The following NCKAP5 variants were observed in gnomAD, a reference collection of about 807,000 sequenced individuals.
NCKAP5 encodes the protein nck-associated protein 5.
A neutral mutation model predicts 167.0 loss-of-function variants in NCKAP5; 92 were observed. That is an observed-to-expected ratio of 0.55 (90% CI 0.47 to 0.66). The LOEUF (loss-of-function observed/expected upper bound fraction) is 0.66, where lower values mean the gene tolerates loss of function less well. NCKAP5 is among the 30% of genes least tolerant of loss of function. The pLI, the probability that NCKAP5 is intolerant of heterozygous loss-of-function variation, is 0.00. For missense variants in NCKAP5, 2,378 were observed against 2,315.0 expected, an observed-to-expected ratio of 1.03 and a Z score of -0.56; for synonymous variants, 891 against 877.4, an observed-to-expected ratio of 1.02 and a Z score of -0.27.
intron 5 of NCKAP5, among the ~76,000 whole-genome samples, chr2:133,143,948 C>T (rs2083093556): frequency 6.6e-6 from 1 of 152,024 alleles, no homozygotes. Context: ...AGTTTCTTTC[C>T]TGGTCTAGTA....
At chr2:133,352,098 CCT>C (rs1684402820) in intron 3 of NCKAP5, among the ~76,000 whole-genome samples, 1 of 152,202 alleles carries the variant, frequency 6.6e-6, no homozygotes, top group Non-Finnish European at 1.5e-5. Flanking sequence ...TAGCTCGTCA[CCT>C]CTCTCCTTCA....
At chr2:133,251,434 C>G (rs941256795) in intron 4 of NCKAP5, among the ~76,000 whole-genome samples, 1 of 152,120 alleles carries the variant, frequency 6.6e-6, no homozygotes, top group African/African-American at 2.4e-5. Flanking sequence ...ATAGGCCAAG[C>G]CTTGCATGAA....
intron 6 of NCKAP5, among the ~76,000 whole-genome samples, chr2:133,072,482 C>T (rs143036934): frequency 6.6e-6 from 1 of 152,248 alleles, no homozygotes; most frequent in African/African-American, 2.4e-5. Context: ...TGAGTGCAGA[C>T]AATTTAAGAG....
intron 5 of NCKAP5, among the ~76,000 whole-genome samples, chr2:133,157,770 G>T (rs930806712): frequency 2.6e-5 from 4 of 152,162 alleles, no homozygotes; most frequent in Non-Finnish European, 5.9e-5. Flanking sequence ...GTTAATTATG[G>T]AGTGGTGGTA....
At chr2:132,746,434 C>A (rs905110616) in intron 16 of NCKAP5, among the ~76,000 whole-genome samples, 1 of 151,874 alleles carries the variant, frequency 6.6e-6, no homozygotes, top group Non-Finnish European at 1.5e-5. Flanking sequence ...CACAAAACAT[C>A]CAGAAGAAAA....
intron 6 of NCKAP5, among the ~76,000 whole-genome samples, chr2:133,061,651 C>T (rs991153470): frequency 1.3e-5 from 2 of 152,206 alleles, no homozygotes; most frequent in Admixed American, 1.3e-4. Flanking sequence ...ACCAGATGAA[C>T]ACATTGTCTG....
chr2:132,873,179 C>A (rs1430133396), intron 9 of NCKAP5, among the ~76,000 whole-genome samples: 1 of 151,926 alleles, frequency 6.6e-6, no homozygotes, highest in African/African-American at 2.4e-5. Flanking sequence ...TCTCGGCTCA[C>A]TGCAAGCTCT....
At chr2:133,194,033 G>A (rs2085336757) in intron 5 of NCKAP5, among the ~76,000 whole-genome samples, 1 of 152,020 alleles carries the variant, frequency 6.6e-6, no homozygotes, top group East Asian at 1.9e-4. Flanking sequence ...AATATACATT[G>A]ATATGCATAA....
intron 19 of NCKAP5, among the ~76,000 whole-genome samples, chr2:132,719,730 C>T (rs917669923): frequency 6.6e-6 from 1 of 152,176 alleles, no homozygotes; most frequent in Admixed American, 6.5e-5. Flanking sequence ...TGAAAAGCCT[C>T]TAAGAGGGGA....
Position 132,803,575 on chromosome 2 carries a change from G to A in NCKAP5, c.808-6846C>T, listed in dbSNP as rs1399210619. Among the ~76,000 whole-genome samples, 5 of 152,284 alleles carry A rather than the reference G, an allele frequency of 3.3e-5. No homozygotes were observed. In the East Asian group the frequency reaches 5.8e-4, roughly 18 times the overall value. Reference sequence around the variant, plus strand: ...GGTTTGGTGATTAGAAAGTTTATTCGTGGTCTCTGCAGCTTAGACTGATGA... The same window carrying A: ...GGTTTGGTGATTAGAAAGTTTATTCATGGTCTCTGCAGCTTAGACTGATGA... On this transcript the variant is annotated intron_variant, in intron 11 of 19. Coordinates refer to ENST00000409261, the MANE Select transcript of NCKAP5 (RefSeq NM_207363.3).
chr2:132,760,507 T>C (rs1680911354), intron 16 of NCKAP5, among the ~76,000 whole-genome samples: 1 of 152,212 alleles, frequency 6.6e-6, no homozygotes, highest in African/African-American at 2.4e-5. Context: ...CTAGGTAATC[T>C]GTATTATATT....
the NCKAP5 span, among the ~76,000 whole-genome samples, chr2:133,654,460 G>T: frequency 6.6e-6 from 1 of 152,190 alleles, no homozygotes; most frequent in African/African-American, 2.4e-5. Flanking sequence ...ATAAATAGAA[G>T]TTCCTATTCC....
At chr2:133,162,261 A>G (rs1291985408) in intron 5 of NCKAP5, among the ~76,000 whole-genome samples, 1 of 152,208 alleles carries the variant, frequency 6.6e-6, no homozygotes, top group East Asian at 1.9e-4. Context: ...ATTTGCAAAG[A>G]CTTTTTTTAA....
intron 5 of NCKAP5, among the ~76,000 whole-genome samples, chr2:133,140,940 A>G (rs2082973315): frequency 6.6e-6 from 1 of 152,062 alleles, no homozygotes; most frequent in Non-Finnish European, 1.5e-5. Context: ...CCTCAAACAC[A>G]GTCACAAAAC....
At chr2:133,058,674 C>A (rs912554344) in intron 6 of NCKAP5, among the ~76,000 whole-genome samples, 15 of 152,108 alleles carry the variant, frequency 9.9e-5, no homozygotes, top group African/African-American at 3.4e-4. Flanking sequence ...ATGGAATATA[C>A]TACTGTGAAG....
chr2:133,026,841 C>T (rs1286972600), intron 6 of NCKAP5, among the ~76,000 whole-genome samples: 2 of 152,174 alleles, frequency 1.3e-5, no homozygotes, highest in South Asian at 2.1e-4. Context: ...ATACACTTCT[C>T]GCTTGATGAA....
intron 8 of NCKAP5, among the ~76,000 whole-genome samples, chr2:132,936,221 A>T (rs945983678): frequency 1.3e-5 from 2 of 152,054 alleles, no homozygotes; most frequent in African/African-American, 4.8e-5. Flanking sequence ...ACCTGAAGTG[A>T]TCTGCCCGCC....
intron 4 of NCKAP5, among the ~76,000 whole-genome samples, chr2:133,219,763 A>G (rs1446317037): frequency 1.3e-5 from 2 of 152,072 alleles, no homozygotes; most frequent in African/African-American, 4.8e-5. Context: ...TTTGTATGAA[A>G]GGGTCTTTCT....
chr2:132,783,766 G>A lies in NCKAP5; in HGVS notation c.3045C>T (p.Val1015=), dbSNP rs761748407. ...FTHPMPSPEA[V]IQTRCPAHAP... is the part of the protein sequence containing the mutation. Reference sequence around the variant, plus strand: ...CATGAGCAGGGCATCGGGTTTGAATGACTGCTTCTGGGGAGGGCATAGGGT... The same window carrying A: ...CATGAGCAGGGCATCGGGTTTGAATAACTGCTTCTGGGGAGGGCATAGGGT... The change falls in exon 14 of 20, where the codon GTC becomes GTT. Residue 1015 remains valine, a synonymous_variant. Transcript: ENST00000409261. 1 of 1,587,010 alleles carries A rather than the reference G, an allele frequency of 6.3e-7. No individual in the cohort carries two copies. The highest frequency in any genetic ancestry group is 8.6e-7 in the Non-Finnish European group (1 of 1,167,648).
Sources: gnomAD v4.1 joint callset for allele counts (sites outside exome capture counted in the v4.1 genomes callset) on GRCh38, gnomAD v4.1.1 for gene constraint, MANE v1.5 for transcripts, NCBI Gene and HGNC (gene_info 2026-07-23, HGNC 2026-07-21) for gene names.